LSS: variants seen among roughly 807,000 people sequenced by gnomAD.
LSS encodes the protein 2,3-epoxysqualene-lanosterol cyclase.
LSS carries 90 observed loss-of-function variants against 110.3 expected under a neutral mutation model. The observed-to-expected ratio is 0.82, with a 90% CI of 0.69 to 0.97. The LOEUF is 0.97. LSS is among the 50% of genes least tolerant of loss of function. The probability of loss-of-function intolerance (pLI) is 0.00; values close to 1 mark genes in which losing one functional copy is unlikely to be tolerated. For missense variants in LSS, 927 were observed against 990.0 expected, an observed-to-expected ratio of 0.94 and a Z score of 0.85; for synonymous variants, 433 against 400.0, an observed-to-expected ratio of 1.08 and a Z score of -0.98.
At chr21:46,198,503 A>C (rs1191519514) in intron 17 of LSS, among the ~76,000 whole-genome samples, 1 of 152,188 alleles carries the variant, frequency 6.6e-6, no homozygotes, top group Non-Finnish European at 1.5e-5. Flanking sequence ...AGTCTCAGCA[A>C]GTTATTTTGT....
intron 16 of LSS, among the ~76,000 whole-genome samples, chr21:46,206,228 A>C (rs1262009582): frequency 1.3e-5 from 2 of 152,154 alleles, no homozygotes; most frequent in Non-Finnish European, 2.9e-5. Context: ...CCAGAGGTGG[A>C]CCAGGGCTGA....
intron 11 of LSS, among the ~76,000 whole-genome samples, chr21:46,211,840 C>G (rs926471464): frequency 8.5e-4 from 129 of 152,342 alleles, no homozygotes; most frequent in African/African-American, 2.8e-3. Flanking sequence ...CGAGAGACGG[C>G]TGGACTAACA....
At chr21:46,207,350 C>T in intron 15 of LSS, 78 bp downstream of exon 15, 4 of 1,540,910 alleles carry the variant, frequency 2.6e-6, no homozygotes, top group Non-Finnish European at 3.5e-6. Context: ...GGGCTGGAGC[C>T]CACAGGAGTG....
chr21:46,207,681 C>G (rs2080071130), intron 14 of LSS, 104 bp from the exon 15 acceptor site: 3 of 1,353,980 alleles, frequency 2.2e-6, no homozygotes, highest in Middle Eastern at 1.9e-4. Context: ...AGCACCCGGT[C>G]AGGGCAGGGG....
At chr21:46,219,090 C>G (rs943594222) in intron 6 of LSS, among the ~76,000 whole-genome samples, 1 of 152,180 alleles carries the variant, frequency 6.6e-6, no homozygotes, top group Non-Finnish European at 1.5e-5. Flanking sequence ...TCGGGACACA[C>G]TTCACATTCA....
chr21:46,194,397 T>C (rs2079876773), intron 20 of LSS, 94 bp downstream of exon 20: 8 of 1,462,234 alleles, frequency 5.5e-6, no homozygotes, highest in Non-Finnish European at 5.6e-6. Context: ...CCTCCCCTCC[T>C]CTCTACATTC....
At chr21:46,217,243 C>CAA (rs752647829) in intron 6 of LSS, among the ~76,000 whole-genome samples, 18 of 42,330 alleles carry the variant, frequency 4.3e-4, no homozygotes, top group African/African-American at 8.3e-4. Context: ...GACTCTGTCT[C>CAA]AAAAAAAAAA....
At chr21:46,227,057 T>C (rs2123768298) in intron 3 of LSS, among the ~76,000 whole-genome samples, 1 of 152,344 alleles carries the variant, frequency 6.6e-6, no homozygotes, top group Middle Eastern at 3.4e-3. Flanking sequence ...ACTCCCAGGA[T>C]GCAAAATAGT....
intron 11 of LSS, among the ~76,000 whole-genome samples, chr21:46,211,498 C>T (rs1468724110): frequency 6.6e-6 from 1 of 152,128 alleles, no homozygotes; most frequent in Non-Finnish European, 1.5e-5. Flanking sequence ...GGCTCCACCT[C>T]AAATCTCACC....
At position 46,206,715 on chromosome 21, in the gene LSS, A is replaced by G. The variant is rs1265966450; in HGVS notation, c.1521T>C (p.Arg507=). The G allele has an allele frequency of 6.2e-7, 1 of 1,613,000 alleles. No individual in the cohort carries two copies. The highest frequency in any genetic ancestry group is 8.5e-7 in the Non-Finnish European group (1 of 1,179,970). Residue 507 remains arginine, a synonymous_variant, in exon 16 of 22, where the codon CGT becomes CGC. Coordinates refer to ENST00000397728, the MANE Select transcript of LSS (RefSeq NM_002340.6). Reference sequence around the variant, plus strand: ...TCAGCAGCTCCAGCAAGTGCCCCCCACGCTTGGTCTCATAGGTGGCGAACC... The same window carrying G: ...TCAGCAGCTCCAGCAAGTGCCCCCCGCGCTTGGTCTCATAGGTGGCGAACC... The part of the protein sequence containing the change: ...DGGFATYETK[R]GGHLLELLNP...
In LSS at chr21:46,215,886, G is replaced by A. The variant is rs576560079; in HGVS notation, c.784-93C>T. ...GGTGGCCTCCCACCATCCGCCCTCA[G>A]GGCCCTGGGCCAGTCCCTTCCTGGG... On this transcript the variant is annotated intron_variant, in intron 7 of 21. Transcript: ENST00000397728. 6 of 784,356 alleles carry A rather than the reference G, an allele frequency of 7.6e-6. No homozygotes were observed. The South Asian group carries it at 8.8e-5, about 12-fold the overall frequency. The allele number at this position is 784,356 out of a possible 1,614,324, so 48.6% of individuals were successfully genotyped here.
Position 46,216,462 on chromosome 21 carries a change from TA to T in LSS, c.709del (p.Tyr237ThrfsTer4). ...GGCGTAGCAGTAGCTCATGGGCAGG[TA>T]CACCTGCCGGCAGTGGCACCAGAGT... is the stretch of plus-strand genomic sequence containing the variant. ...STLWCHCRQV[Y>X]LPMSYCYAVR... On this transcript the variant is annotated frameshift_variant, in exon 7 of 22. Transcript: ENST00000397728. LOFTEE classifies it high-confidence loss of function. The surrounding 1 kb of genome is among the most constrained non-coding windows in gnomAD (Gnocchi z 4.2). 1 of 1,613,542 alleles carries T rather than the reference TA, an allele frequency of 6.2e-7. No individual in the cohort carries two copies. Among genetic ancestry groups the T allele is most frequent in the Non-Finnish European group, 8.5e-7 (1 of 1,179,908 alleles).
At chr21:46,222,810 C>T (rs2080294258) in intron 3 of LSS, 72 bp from the exon 4 acceptor site, 1 of 1,115,280 alleles carries the variant, frequency 9.0e-7, no homozygotes, top group East Asian at 2.4e-5. Context: ...CCCTTTCCTC[C>T]TGAGCACCTC....
intron 10 of LSS, 73 bp from the exon 11 acceptor site, chr21:46,213,125 C>T (rs2080156025): frequency 7.0e-7 from 1 of 1,427,292 alleles, no homozygotes; most frequent in African/African-American, 1.4e-5. Flanking sequence ...AGACCCTGCA[C>T]TCAGGAGGGT....
intron 17 of LSS, among the ~76,000 whole-genome samples, chr21:46,198,829 C>CAA (rs35148484): frequency 0.056 from 4,121 of 72,996 alleles, 332 homozygotes; most frequent in African/African-American, 0.16. Flanking sequence ...CATCCACATG[C>CAA]AAAAAAAAAA....
At chr21:46,215,830 G>C in intron 7 of LSS, 37 bp from the exon 8 acceptor site, 1 of 1,408,962 alleles carries the variant, frequency 7.1e-7, no homozygotes, top group Non-Finnish European at 9.9e-7. Flanking sequence ...GGGCCTGGGA[G>C]CACCTGGTAG....
chr21:46,227,399 G>A (rs1221009822), intron 3 of LSS, 153 bp downstream of exon 3: 2 of 884,430 alleles, frequency 2.3e-6, no homozygotes, highest in East Asian at 2.7e-5. Context: ...CCAATAGCAG[G>A]ACGACTCTGA....
intron 6 of LSS, among the ~76,000 whole-genome samples, 181 bp downstream of exon 6, chr21:46,219,295 C>G (rs1042441745): frequency 6.6e-6 from 1 of 152,196 alleles, no homozygotes; most frequent in African/African-American, 2.4e-5. Flanking sequence ...GAACCTCCCC[C>G]TTTCTGTACC....
intron 3 of LSS, among the ~76,000 whole-genome samples, chr21:46,223,300 C>T (rs1488364933): frequency 6.6e-6 from 1 of 152,206 alleles, no homozygotes; most frequent in Non-Finnish European, 1.5e-5. Flanking sequence ...CCTTCCGTCC[C>T]CAGCCTGGTC....
Sources: gnomAD v4.1 joint callset for allele counts (sites outside exome capture counted in the v4.1 genomes callset) on GRCh38, gnomAD v4.1.1 for gene constraint, Gnocchi (gnomAD v3.1) non-coding constraint, MANE v1.5 for transcripts, NCBI Gene and HGNC (gene_info 2026-07-23, HGNC 2026-07-21) for gene names.